NTRK2: variants seen among roughly 807,000 people sequenced by gnomAD.
NTRK2 encodes BDNF/NT-3 growth factors receptor.
In NTRK2, 13 loss-of-function variants were observed where a neutral mutation model predicts 94.5. The ratio of observed to expected loss-of-function variants is 0.14; its 90% confidence interval spans 0.09 to 0.22. NTRK2 has a LOEUF of 0.22. NTRK2 is among the 10% of genes least tolerant of loss of function. NTRK2 has a pLI of 1.00. For synonymous variants in NTRK2, 372 were observed against 407.4 expected (o/e 0.91, Z 1.05); for missense variants, 639 against 1,071.2 (o/e 0.60, Z 5.63).
At chr9:84,867,912 G>A (rs536304234) in intron 14 of NTRK2, among the ~76,000 whole-genome samples, 10 of 152,312 alleles carry the variant, frequency 6.6e-5, no homozygotes, top group South Asian at 6.2e-4. Context: ...TGCTCAGTCC[G>A]AGTTCCCAGC....
At chr9:84,782,573 G>C (rs2067701907) in intron 12 of NTRK2, among the ~76,000 whole-genome samples, 1 of 152,188 alleles carries the variant, frequency 6.6e-6, no homozygotes, top group East Asian at 1.9e-4. Flanking sequence ...GAGCCATCTT[G>C]TATTGAAAGC....
chr9:84,853,074 A>G (rs1448759950), intron 12 of NTRK2, among the ~76,000 whole-genome samples: 1 of 152,036 alleles, frequency 6.6e-6, no homozygotes, highest in Non-Finnish European at 1.5e-5. Flanking sequence ...AGTATTATTT[A>G]GCAGGAGAAA....
chr9:84,843,699 G>A (rs1214829626), intron 12 of NTRK2, among the ~76,000 whole-genome samples: 2 of 152,132 alleles, frequency 1.3e-5, no homozygotes, highest in Non-Finnish European at 2.9e-5. Context: ...CTGCTGTAGG[G>A]GTAGAGGCTT....
In NTRK2 at chr9:84,860,903, A is replaced by G. The variant is rs779149603; in HGVS notation, c.1397-137A>G. Reference sequence around the variant, plus strand: ...TCCCAAGTGGTTTGTTTATTTATTTATTTATTTATTTATTTATTTATTTAT... The same window carrying G: ...TCCCAAGTGGTTTGTTTATTTATTTGTTTATTTATTTATTTATTTATTTAT... On this transcript the variant is annotated intron_variant, in intron 12 of 18. Transcript: ENST00000277120. 75 of 276,272 alleles carry G rather than the reference A, an allele frequency of 2.7e-4. 1 individual carries two copies. Among genetic ancestry groups the G allele is most frequent in the Middle Eastern group, 2.4e-3 (3 of 1,240 alleles). The allele number at this position is 276,272 out of a possible 1,614,324, so 17.1% of individuals were successfully genotyped here.
chr9:84,728,059 C>T, intron 9 of NTRK2, 100 bp downstream of exon 9: 1 of 1,061,480 alleles, frequency 9.4e-7, no homozygotes, highest in Non-Finnish European at 1.4e-6. Context: ...AACCTAGTGG[C>T]TTAAAACTCC....
chr9:84,727,665 A>G lies in NTRK2; in HGVS notation c.865A>G (p.Ile289Val). 1 of 1,612,470 alleles carries G rather than the reference A, an allele frequency of 6.2e-7. No homozygotes were observed. The highest frequency in any genetic ancestry group is 8.5e-7 in the Non-Finnish European group (1 of 1,179,912). ...CTTTTTCAATTTAGTTGCACCAACT[A>G]TCACATTTCTCGAATCTCCAACCTC... ...VNLTVHFAPT[I>V]TFLESPTSDH... Residue 289 changes from isoleucine to valine, a missense_variant, in exon 9 of 19, where the codon ATC becomes GTC. Coordinates refer to ENST00000277120, the MANE Select transcript of NTRK2 (RefSeq NM_006180.6).
intron 2 of NTRK2, among the ~76,000 whole-genome samples, chr9:84,692,942 G>A (rs1002229933): frequency 1.3e-5 from 2 of 152,000 alleles, no homozygotes; most frequent in African/African-American, 2.4e-5. Context: ...TCTTTCCATG[G>A]GCCAGTGAAA....
At position 84,991,437 on chromosome 9, in the gene NTRK2, A is replaced by G. The variant is rs557883047; in HGVS notation, c.2173-28769A>G. On this transcript the variant is annotated intron_variant, in intron 17 of 18. Coordinates refer to ENST00000277120, the MANE Select transcript of NTRK2 (RefSeq NM_006180.6). ...GAATCCTCTCAGCCAGGTATTATCTATGCGAGTTTATCTGTCCAGTGGCAC... is the reference window on the plus strand; with the variant it reads ...GAATCCTCTCAGCCAGGTATTATCTGTGCGAGTTTATCTGTCCAGTGGCAC... Among the ~76,000 whole-genome samples the G allele has an allele frequency of 4.6e-5, 7 of 152,260 alleles. No homozygotes were observed. In the East Asian group the frequency reaches 1.2e-3, roughly 25 times the overall value.
At chr9:84,743,423 C>T (rs2063813251) in intron 10 of NTRK2, among the ~76,000 whole-genome samples, 1 of 152,038 alleles carries the variant, frequency 6.6e-6, no homozygotes, top group Non-Finnish European at 1.5e-5. Flanking sequence ...TTAACCTGAG[C>T]TAATTTTAAG....
intron 2 of NTRK2, among the ~76,000 whole-genome samples, chr9:84,675,323 C>CTTTTTTTTTT (rs1564023863): frequency 1.4e-5 from 1 of 69,560 alleles, no homozygotes; most frequent in South Asian, 4.5e-4. Context: ...TTCTTTCTTT[C>CTTTTTTTTTT]CTTTTTTTTT....
chr9:84,747,644 A>T (rs2132426260), intron 11 of NTRK2, among the ~76,000 whole-genome samples: 1 of 151,946 alleles, frequency 6.6e-6, no homozygotes. Context: ...TGCCTGGCTA[A>T]TTTTTTTGTA....
intron 12 of NTRK2, among the ~76,000 whole-genome samples, chr9:84,759,528 T>C (rs2065368301): frequency 6.6e-6 from 1 of 152,242 alleles, no homozygotes; most frequent in Admixed American, 6.5e-5. Context: ...CATGCAATAT[T>C]GTTTGGGACT....
At chr9:84,850,284 G>C (rs1587668789) in intron 12 of NTRK2, among the ~76,000 whole-genome samples, 2 of 152,050 alleles carry the variant, frequency 1.3e-5, no homozygotes, top group Admixed American at 6.6e-5. Flanking sequence ...TATAGGCAGA[G>C]AATGTGATTA....
intron 12 of NTRK2, among the ~76,000 whole-genome samples, chr9:84,758,110 A>T (rs2065234013): frequency 6.6e-6 from 1 of 151,930 alleles, no homozygotes; most frequent in Non-Finnish European, 1.5e-5. Context: ...GTTGAGTTAT[A>T]GATATACTTT....
chr9:84,709,794 T>A (rs2061319271), intron 5 of NTRK2, among the ~76,000 whole-genome samples: 1 of 152,192 alleles, frequency 6.6e-6, no homozygotes. Flanking sequence ...GATTTTTTTT[T>A]CCTTGTGGTT....
chr9:84,756,778 A>AAT (rs1217423950), intron 12 of NTRK2, among the ~76,000 whole-genome samples: 4 of 152,160 alleles, frequency 2.6e-5, no homozygotes, highest in African/African-American at 9.7e-5. Context: ...TGTCCTACTT[A>AAT]AGTGTTGGAG....
intron 12 of NTRK2, among the ~76,000 whole-genome samples, chr9:84,845,281 ACACG>A (rs762011741): frequency 1.4e-5 from 2 of 142,524 alleles, no homozygotes; most frequent in Admixed American, 7.0e-5. Flanking sequence ...ACACACACAC[ACACG>A]GCTATCACTA....
At chr9:85,018,482 C>A (rs1484655040) in intron 17 of NTRK2, among the ~76,000 whole-genome samples, 1 of 152,180 alleles carries the variant, frequency 6.6e-6, no homozygotes, top group African/African-American at 2.4e-5. Flanking sequence ...TTGGCATTGC[C>A]ATGTGGGCTG....
At chr9:84,700,544 G>A (rs1161587647) in intron 2 of NTRK2, among the ~76,000 whole-genome samples, 1 of 152,128 alleles carries the variant, frequency 6.6e-6, no homozygotes, top group Non-Finnish European at 1.5e-5. Flanking sequence ...GACAATGTTT[G>A]TGTGGATGCT....
Sources: allele counts gnomAD v4.1 joint callset (sites outside exome capture counted in the v4.1 genomes callset), GRCh38; gene constraint gnomAD v4.1.1; transcripts MANE v1.5; gene names NCBI Gene and HGNC (gene_info 2026-07-23, HGNC 2026-07-21).